C17orf75: variants seen among roughly 807,000 people sequenced by gnomAD.
C17orf75 encodes the protein protein Njmu-R1.
Under a neutral mutation model 49.6 loss-of-function variants are expected in C17orf75, and 32 were observed. The observed-to-expected ratio is 0.65, with a 90% CI of 0.49 to 0.87. C17orf75 has a LOEUF of 0.87. C17orf75 is among the 40% of genes least tolerant of loss of function. The probability of loss-of-function intolerance (pLI) is 0.00; values close to 1 mark genes in which losing one functional copy is unlikely to be tolerated. For missense variants in C17orf75, 428 were observed against 473.9 expected, an observed-to-expected ratio of 0.90 and a Z score of 0.90; for synonymous variants, 158 against 159.5, an observed-to-expected ratio of 0.99 and a Z score of 0.07.
At chr17:32,339,035 A>G (rs575544600) in intron 3 of C17orf75, among the ~76,000 whole-genome samples, 3 of 152,128 alleles carry the variant, frequency 2.0e-5, no homozygotes, top group Non-Finnish European at 4.4e-5. Context: ...AGGTTGCAGT[A>G]AGCCAAGATC....
chr17:32,343,091 G>A (rs943725136), upstream of C17orf75, among the ~76,000 whole-genome samples: 5 of 152,296 alleles, frequency 3.3e-5, no homozygotes, highest in South Asian at 2.1e-4. Context: ...GGAGGAGGCA[G>A]ACTGGAGTGA....
chr17:32,344,866 C>T (rs944802340), upstream of C17orf75, among the ~76,000 whole-genome samples: 6 of 150,144 alleles, frequency 4.0e-5, no homozygotes, highest in African/African-American at 1.2e-4. Flanking sequence ...GAAATCATGC[C>T]ACTGCACTCC....
upstream of C17orf75, among the ~76,000 whole-genome samples, chr17:32,343,361 A>G (rs1191005000): frequency 6.6e-6 from 1 of 152,098 alleles, no homozygotes; most frequent in Non-Finnish European, 1.5e-5. Context: ...AACTTCATAA[A>G]GTTAAAAGCA....
chr17:32,333,421 A>G lies in C17orf75; in HGVS notation c.971T>C (p.Leu324Pro), dbSNP rs753957093. 6.2e-7 allele frequency: 1 copy of G among 1,602,596 alleles called. No homozygotes were observed. Among genetic ancestry groups the G allele is most frequent in the East Asian group, 2.2e-5 (1 of 44,782 alleles). The change falls in exon 9 of 10, where the codon CTA (leucine) becomes CCA (proline). Residue 324 changes from leucine (L) to proline (P), a missense_variant. Coordinates refer to ENST00000577809, the MANE Select transcript of C17orf75 (RefSeq NM_022344.4). ...LFRQVLENFK[L>P]KAIQDTNNLK... Reference sequence around the variant, plus strand: ...GGCACACAGCCAACTAATTACCTTTAGTTTAAAGTTCTCCAGTACTTGTCG... The same window carrying G: ...GGCACACAGCCAACTAATTACCTTTGGTTTAAAGTTCTCCAGTACTTGTCG...
rs759116992 is a variant in C17orf75, at chr17:32,339,933, G to T, written c.227C>A (p.Ser76Tyr). The T allele has an allele frequency of 9.9e-6, 16 of 1,613,772 alleles. No homozygotes were observed. In the East Asian group the frequency reaches 2.4e-4, roughly 25 times the overall value. The change falls in exon 3 of 10, where the codon TCC (serine) becomes TAC (tyrosine). Residue 76 changes from serine to tyrosine, a missense_variant. By Grantham distance (144) the Ser-to-Tyr change is moderately radical (BLOSUM62 -2). Transcript: ENST00000577809. ...GGATGGTAGATTAGTATCTGCCAAG[G>T]AGAGGCTTGACAAATGAAAGACACA... ...ETPSGDDFSLSLADTNLPSEV... is the reference protein window; with the variant it reads ...ETPSGDDFSLYLADTNLPSEV...
At chr17:32,335,952 C>T (rs1429551731) in intron 5 of C17orf75, among the ~76,000 whole-genome samples, 1 of 152,214 alleles carries the variant, frequency 6.6e-6, no homozygotes, top group Non-Finnish European at 1.5e-5. Context: ...CTCCACTCCA[C>T]TCCAGATGTC....
intron 3 of C17orf75, 49 bp downstream of exon 3, chr17:32,339,762 CAT>C (rs2150778048): frequency 6.9e-6 from 11 of 1,600,420 alleles, no homozygotes; most frequent in African/African-American, 1.3e-5. Flanking sequence ...CATCACTTCT[CAT>C]ATTTAGTTCA....
exon 1 of C17orf75, chr17:32,349,950 C>T (rs1398967649): frequency 2.6e-6 from 3 of 1,135,976 alleles, no homozygotes; most frequent in Non-Finnish European, 2.2e-6. Context: ...ACCTGGGGCT[C>T]CGGCTCCTTT....
At chr17:32,346,250 C>G (rs771316666), upstream of C17orf75, among the ~76,000 whole-genome samples, 5 of 151,878 alleles carry the variant, frequency 3.3e-5, no homozygotes, top group Non-Finnish European at 5.9e-5. Context: ...CGAGACCTTA[C>G]CTCTACAAAA....
At chr17:32,345,300 A>AC (rs989871645), upstream of C17orf75, among the ~76,000 whole-genome samples, 2 of 150,304 alleles carry the variant, frequency 1.3e-5, no homozygotes, top group Admixed American at 1.3e-4. Context: ...ACATGGTGAA[A>AC]CCCCGTCTCT....
At chr17:32,343,523 C>T (rs906030230), upstream of C17orf75, 6 of 282,628 alleles carry the variant, frequency 2.1e-5, no homozygotes, top group African/African-American at 8.8e-5. Context: ...ATTAAATCCT[C>T]AGTCCTAAGC....
chr17:32,331,536 A>C lies in C17orf75; in HGVS notation c.*227T>G, dbSNP rs2041272818. The C allele has an allele frequency of 4.5e-6, 2 of 441,614 alleles. No individual in the cohort carries two copies. Among genetic ancestry groups the C allele is most frequent in the Non-Finnish European group, 4.0e-6 (1 of 249,542 alleles). The allele number at this position is 441,614 out of a possible 1,614,324, so 27.4% of individuals were successfully genotyped here. A position where few individuals can be genotyped will look rare whatever the true frequency, so the allele number is the denominator to read the frequency against. ...CCTGAAGCGTGGAATTTATGGGGCC[A>C]GTGAGACACTAAAATTTCACAACTC... On this transcript the variant is annotated 3_prime_UTR_variant, in exon 10 of 10. Coordinates refer to ENST00000577809, the MANE Select transcript of C17orf75 (RefSeq NM_022344.4).
intron 9 of C17orf75, among the ~76,000 whole-genome samples, chr17:32,332,211 C>T (rs1053536390): frequency 1.3e-5 from 2 of 152,106 alleles, no homozygotes; most frequent in African/African-American, 2.4e-5. Flanking sequence ...GGCTTGATCT[C>T]GGTTCACCAC....
chr17:32,330,094 CG>C lies in C17orf75; in HGVS notation c.*1668del, dbSNP rs1414909425. On this transcript the variant is annotated 3_prime_UTR_variant, in exon 10 of 10. Coordinates refer to ENST00000577809, the MANE Select transcript of C17orf75 (RefSeq NM_022344.4). ...CTGACCTCAGGTGATCCACCTGCCTCGGCCTCTCAAAGTGCTGGGATTACAG... is the reference window on the plus strand; with the variant it reads ...CTGACCTCAGGTGATCCACCTGCCTCGCCTCTCAAAGTGCTGGGATTACAG... The C allele has an allele frequency of 6.6e-6, 1 of 152,172 alleles. No individual in the cohort carries two copies. Among genetic ancestry groups the C allele is most frequent in the Non-Finnish European group, 1.5e-5 (1 of 68,056 alleles). The allele number at this position is 152,172 out of a possible 1,614,324, so 9.4% of individuals were successfully genotyped here.
At position 32,339,811 on chromosome 17, in the gene C17orf75, A is replaced by G. The variant is rs2041361312; in HGVS notation, c.347+2T>C. ...TCAGGACACAGCACATTTTGCACTTACTTTAGCTCCACAGATGCAACATTA... is the reference window on the plus strand; with the variant it reads ...TCAGGACACAGCACATTTTGCACTTGCTTTAGCTCCACAGATGCAACATTA... On this transcript the variant is annotated splice_donor_variant, in intron 3 of 9. Transcript: ENST00000577809. LOFTEE classifies it high-confidence loss of function. The G allele has an allele frequency of 6.2e-7, 1 of 1,613,510 alleles. No homozygotes were observed. Among genetic ancestry groups the G allele is most frequent in the African/African-American group, 1.3e-5 (1 of 74,904 alleles).
At chr17:32,336,406 G>A (rs953544952) in intron 5 of C17orf75, among the ~76,000 whole-genome samples, 38 of 152,222 alleles carry the variant, frequency 2.5e-4, no homozygotes, top group African/African-American at 6.7e-4. Flanking sequence ...TAGAGATGGG[G>A]TTTCACTTTG....
At chr17:32,341,961 G>GGGGCGGGC in intron 1 of C17orf75, 39 bp downstream of exon 1, 1 of 1,349,206 alleles carries the variant, frequency 7.4e-7, no homozygotes, top group Non-Finnish European at 9.6e-7. Flanking sequence ...CGGGGCCGCA[G>GGGGCGGGC]GGGCGGGCGG....
chr17:32,338,553 C>G (rs2041347982), intron 3 of C17orf75, among the ~76,000 whole-genome samples: 3 of 152,108 alleles, frequency 2.0e-5, no homozygotes, highest in Admixed American at 2.0e-4. Context: ...TTAGTTAAAG[C>G]AGCCACTAAC....
At chr17:32,348,994 T>C (rs2041453987) in intron 1 of C17orf75, among the ~76,000 whole-genome samples, 1 of 151,302 alleles carries the variant, frequency 6.6e-6, no homozygotes, top group Non-Finnish European at 1.5e-5. Context: ...TTCTCCCGAG[T>C]AGCTGAGGTT....
Sources: allele counts gnomAD v4.1 joint callset (sites outside exome capture counted in the v4.1 genomes callset), GRCh38; gene constraint gnomAD v4.1.1; transcripts MANE v1.5; gene names NCBI Gene and HGNC (gene_info 2026-07-23, HGNC 2026-07-21).